HECW1: variants seen among roughly 807,000 people sequenced by gnomAD.
HECW1 encodes the protein HECT, C2 and WW domain containing E3 ubiquitin protein ligase 1.
HECW1 carries 61 observed loss-of-function variants against 182.3 expected under a neutral mutation model. The ratio of observed to expected loss-of-function variants is 0.33; its 90% CI spans 0.27 to 0.41. The LOEUF (loss-of-function observed/expected upper bound fraction) is 0.41. Ranked by LOEUF, HECW1 falls within the 10% of genes least tolerant of loss-of-function variation. The pLI is 1.00. For missense variants in HECW1, 1,739 were observed against 2,108.9 expected (o/e 0.82, Z 3.44); for synonymous variants, 859 against 832.6 (o/e 1.03, Z -0.55).
chr7:43,294,536 A>G (rs191920178), intron 3 of HECW1, among the ~76,000 whole-genome samples: 16 of 152,344 alleles, frequency 1.1e-4, no homozygotes, highest in Admixed American at 1.0e-3. Flanking sequence ...TGCAGTCAGA[A>G]AAAAGCAGAT....
intron 2 of HECW1, among the ~76,000 whole-genome samples, chr7:43,231,862 A>G (rs1238683302): frequency 1.5e-5 from 2 of 129,734 alleles, no homozygotes; most frequent in Non-Finnish European, 3.1e-5. Flanking sequence ...TAAAAAATAC[A>G]AAAAAAAAAA....
intron 13 of HECW1, among the ~76,000 whole-genome samples, chr7:43,460,248 G>C (rs1001061306): frequency 6.6e-6 from 1 of 152,182 alleles, no homozygotes. Context: ...GGTTCTAGGG[G>C]TTTATTCTAC....
chr7:43,357,714 T>G (rs915787016), intron 5 of HECW1, among the ~76,000 whole-genome samples: 1 of 151,680 alleles, frequency 6.6e-6, no homozygotes, highest in African/African-American at 2.4e-5. Context: ...TGTTTTTATA[T>G]ATTTATATGT....
intron 2 of HECW1, among the ~76,000 whole-genome samples, chr7:43,203,214 T>G (rs191212158): frequency 6.6e-6 from 1 of 151,822 alleles, no homozygotes; most frequent in Admixed American, 6.6e-5. Flanking sequence ...AGTTTTATTT[T>G]GCTATATTAT....
intron 3 of HECW1, among the ~76,000 whole-genome samples, chr7:43,294,572 C>T (rs755871713): frequency 1.3e-5 from 2 of 152,196 alleles, no homozygotes; most frequent in Non-Finnish European, 2.9e-5. Context: ...TACTTGGCTC[C>T]TCGGTCCCCA....
At chr7:43,456,201 G>A in intron 12 of HECW1, 96 bp from the exon 13 acceptor site, 1 of 1,281,772 alleles carries the variant, frequency 7.8e-7, no homozygotes. Flanking sequence ...AACCAATGGT[G>A]AGTTCTACCT....
In HECW1 at chr7:43,477,664, A is replaced by G. The variant is rs2078268664; in HGVS notation, c.3100-1946A>G. Among the ~76,000 whole-genome samples, 5 of 152,222 alleles carry G rather than the reference A, an allele frequency of 3.3e-5. No homozygotes were observed. In the South Asian group the frequency reaches 8.3e-4, roughly 25 times the overall value. ...CTTGGGGAATTTTACTGCAAGTCAC[A>G]AATATTGATTCACATGATATTAGTA... On this transcript the variant is annotated intron_variant, in intron 16 of 29. Coordinates refer to ENST00000395891, the MANE Select transcript of HECW1 (RefSeq NM_015052.5).
intron 17 of HECW1, among the ~76,000 whole-genome samples, chr7:43,488,440 G>GAAAGAAA (rs1304079749): frequency 1.7e-5 from 2 of 121,156 alleles, no homozygotes; most frequent in African/African-American, 6.6e-5. Flanking sequence ...GAAAGAGAAA[G>GAAAGAAA]AAAGAAAGAA....
At chr7:43,271,590 T>C (rs566333240) in intron 3 of HECW1, among the ~76,000 whole-genome samples, 11 of 152,174 alleles carry the variant, frequency 7.2e-5, no homozygotes, top group African/African-American at 2.6e-4. Flanking sequence ...AAGAATGCAA[T>C]CCAATTTACA....
chr7:43,137,547 T>G (rs1371493781), intron 2 of HECW1, among the ~76,000 whole-genome samples: 1 of 150,822 alleles, frequency 6.6e-6, no homozygotes, highest in Non-Finnish European at 1.5e-5. Context: ...TTTATTTATT[T>G]ATTTATTTAT....
chr7:43,514,477 C>T (rs1030914932), intron 24 of HECW1, among the ~76,000 whole-genome samples: 10 of 151,832 alleles, frequency 6.6e-5, no homozygotes, highest in East Asian at 3.9e-4. Context: ...TTAGTAGAGA[C>T]GGGGTTTCAC....
chr7:43,230,330 G>T (rs1797773132), intron 2 of HECW1, among the ~76,000 whole-genome samples: 1 of 152,188 alleles, frequency 6.6e-6, no homozygotes, highest in African/African-American at 2.4e-5. Flanking sequence ...GGAGGCAGAG[G>T]TTGCAATGAG....
intron 29 of HECW1, among the ~76,000 whole-genome samples, chr7:43,558,552 G>C (rs2082105584): frequency 6.6e-6 from 1 of 152,152 alleles, no homozygotes. Context: ...TGGTTGAGGG[G>C]AAGGGGTGCT....
intron 3 of HECW1, among the ~76,000 whole-genome samples, chr7:43,309,235 A>T (rs1808187355): frequency 6.6e-6 from 1 of 152,136 alleles, no homozygotes; most frequent in Admixed American, 6.5e-5. Context: ...CATAATTCTG[A>T]TGCAGAAGTG....
intron 6 of HECW1, among the ~76,000 whole-genome samples, chr7:43,369,044 A>G (rs1378778719): frequency 6.6e-6 from 1 of 152,176 alleles, no homozygotes; most frequent in Non-Finnish European, 1.5e-5. Context: ...TCATGGGCAC[A>G]TTTGCACATG....
At chr7:43,135,292 A>G (rs1057151018) in intron 2 of HECW1, among the ~76,000 whole-genome samples, 1 of 152,118 alleles carries the variant, frequency 6.6e-6, no homozygotes, top group Non-Finnish European at 1.5e-5. Flanking sequence ...AATGCTCTTT[A>G]AGGGGAGATG....
intron 8 of HECW1, among the ~76,000 whole-genome samples, chr7:43,423,367 C>A (rs2076256770): frequency 6.6e-6 from 1 of 152,170 alleles, no homozygotes; most frequent in Non-Finnish European, 1.5e-5. Context: ...GAATCACCAA[C>A]ATGAAAACAT....
chr7:43,542,043 A>G (rs771332286), intron 26 of HECW1, 45 bp downstream of exon 26: 4 of 1,437,584 alleles, frequency 2.8e-6, no homozygotes, highest in Non-Finnish European at 3.7e-6. Context: ...GTTTTTTACT[A>G]TGGAAAATGC....
At chr7:43,483,566 T>TTTTTTTG (rs2078516048) in intron 17 of HECW1, among the ~76,000 whole-genome samples, 1 of 149,154 alleles carries the variant, frequency 6.7e-6, no homozygotes. Flanking sequence ...TTTTTTTTTT[T>TTTTTTTG]GAGCTAGAGT....
Sources: allele counts gnomAD v4.1 joint callset (sites outside exome capture counted in the v4.1 genomes callset), GRCh38; gene constraint gnomAD v4.1.1; transcripts MANE v1.5; gene names NCBI Gene and HGNC (gene_info 2026-07-23, HGNC 2026-07-21).